CPA6: variants seen among roughly 807,000 people sequenced by gnomAD.
The protein encoded by CPA6 is carboxypeptidase B.
A neutral mutation model predicts 63.3 loss-of-function variants in CPA6; 58 were observed. The ratio of observed to expected loss-of-function variants is 0.92; its 90% CI spans 0.74 to 1.14. The LOEUF is 1.14. Ranked by LOEUF, CPA6 falls within the 50% of genes most tolerant of loss-of-function variation. The pLI is 0.00. For synonymous variants in CPA6, 185 were observed against 179.0 expected, an observed-to-expected ratio of 1.03 and a Z score of -0.27; for missense variants, 565 against 526.6, an observed-to-expected ratio of 1.07 and a Z score of -0.71.
rs542195405 is a variant in CPA6, at chr8:67,484,994, A to G, written c.637-205T>C. Among the ~76,000 whole-genome samples, 6 of 152,352 alleles carry G rather than the reference A, an allele frequency of 3.9e-5. No individual in the cohort carries two copies. In the South Asian group the frequency reaches 1.0e-3, roughly 26 times the overall value. ...TCTTTATTATCAATAATCTTTTAGC[A>G]GAGCTGTTAAAAGAGATCAGTTGGG... On this transcript the variant is annotated intron_variant, in intron 6 of 10. Transcript: ENST00000297770.
chr8:67,720,191 T>A (rs974008505), intron 1 of CPA6, among the ~76,000 whole-genome samples: 27 of 144,736 alleles, frequency 1.9e-4, no homozygotes, highest in Admixed American at 7.4e-4. Flanking sequence ...GTGGGGGTGC[T>A]TTTTGAGCCA....
rs538327369 is a variant in CPA6 at position 67,461,643 on chromosome 8, C to T, written c.838+22125G>A. Among the ~76,000 whole-genome samples the T allele has an allele frequency of 1.4e-3, 212 of 152,338 alleles. 1 individual carries two copies. Among genetic ancestry groups the T allele is most frequent in the African/African-American group, 4.9e-3 (204 of 41,594 alleles). On this transcript the variant is annotated intron_variant, in intron 8 of 10. Transcript: ENST00000297770. Reference sequence around the variant, plus strand: ...TCACTTCCCAGTAGGGGCGGCCGGGCAGAGGTGCCCCTCACCTCCCGGACG... The same window carrying T: ...TCACTTCCCAGTAGGGGCGGCCGGGTAGAGGTGCCCCTCACCTCCCGGACG...
chr8:67,725,565 G>T (rs1817581574), intron 1 of CPA6, among the ~76,000 whole-genome samples: 1 of 152,140 alleles, frequency 6.6e-6, no homozygotes, highest in African/African-American at 2.4e-5. Context: ...CTGTCACCCA[G>T]GCTGGAGTGC....
Position 67,427,160 on chromosome 8 carries a change from GC to G in CPA6, c.1126+886del, listed in dbSNP as rs531070630. Among the ~76,000 whole-genome samples the G allele has an allele frequency of 1.3e-3, 201 of 152,280 alleles. 1 individual carries two copies. The highest frequency in any genetic ancestry group is 0.011 in the Admixed American group (173 of 15,288). ...TCACTATAAGAAGGGTGAGAAAATA[GC>G]CCTTTATCACCACAGACTTGAATTC... is the stretch of plus-strand genomic sequence containing the variant. On this transcript the variant is annotated intron_variant, in intron 10 of 10. Transcript: ENST00000297770.
intron 1 of CPA6, among the ~76,000 whole-genome samples, chr8:67,700,096 T>C (rs1816993478): frequency 6.6e-6 from 1 of 152,224 alleles, no homozygotes; most frequent in Non-Finnish European, 1.5e-5. Context: ...AACTGAGTTT[T>C]TTTAAACATA....
intron 2 of CPA6, among the ~76,000 whole-genome samples, chr8:67,592,263 TTGA>T (rs1814150666): frequency 6.6e-6 from 1 of 152,236 alleles, no homozygotes; most frequent in Admixed American, 6.5e-5. Flanking sequence ...GATAAGCTTT[TTGA>T]TGTGTTGCTG....
chr8:67,730,265 A>G (rs1182354847), intron 1 of CPA6, among the ~76,000 whole-genome samples: 1 of 152,206 alleles, frequency 6.6e-6, no homozygotes, highest in Non-Finnish European at 1.5e-5. Context: ...AGGATGGCTC[A>G]CAGAACTTAG....
intron 1 of CPA6, among the ~76,000 whole-genome samples, chr8:67,699,424 C>A (rs1236546870): frequency 6.6e-6 from 1 of 151,852 alleles, no homozygotes; most frequent in African/African-American, 2.4e-5. Flanking sequence ...CAGAGCCAGA[C>A]TCTGTCTCAA....
rs554367317 is a variant in CPA6, at chr8:67,664,969, A to G, written c.117-40718T>C. 2.0e-5 allele frequency among the ~76,000 whole-genome samples: 3 copies of G among 152,332 alleles called. No homozygotes were observed. In the South Asian group the frequency reaches 6.2e-4, roughly 32 times the overall value. ...CAAAAGAGATCAAAATTACCTAGGT[A>G]CTACCTAGGAAAGGGCGAGGCAGAA... On this transcript the variant is annotated intron_variant, in intron 1 of 10. Transcript: ENST00000297770.
intron 2 of CPA6, among the ~76,000 whole-genome samples, chr8:67,553,218 T>G (rs1347985802): frequency 6.6e-6 from 1 of 152,200 alleles, no homozygotes; most frequent in Non-Finnish European, 1.5e-5. Flanking sequence ...AGATGCATCC[T>G]AATTTGAGAG....
intron 2 of CPA6, among the ~76,000 whole-genome samples, chr8:67,566,999 A>G (rs1045698636): frequency 5.3e-5 from 8 of 152,220 alleles, no homozygotes; most frequent in African/African-American, 1.9e-4. Flanking sequence ...GGCAAGTTGA[A>G]CACCCTGCAC....
At chr8:67,612,050 A>G (rs1394723689) in intron 2 of CPA6, among the ~76,000 whole-genome samples, 1 of 152,074 alleles carries the variant, frequency 6.6e-6, no homozygotes. Flanking sequence ...TTTCTGTTCA[A>G]ATTATTGGTG....
At chr8:67,579,272 G>C (rs1004198913) in intron 2 of CPA6, among the ~76,000 whole-genome samples, 2 of 152,148 alleles carry the variant, frequency 1.3e-5, no homozygotes, top group African/African-American at 4.8e-5. Flanking sequence ...AATTAGCCAG[G>C]TGTGGTGGTG....
At chr8:67,428,024 C>T (rs1484116723) in intron 10 of CPA6, 23 bp downstream of exon 10, 10 of 1,508,642 alleles carry the variant, frequency 6.6e-6, no homozygotes, top group Non-Finnish European at 9.2e-6. Context: ...AGGATTCTAA[C>T]ACAATGTACG....
At chr8:67,425,378 T>C (rs1418804706) in intron 10 of CPA6, among the ~76,000 whole-genome samples, 1 of 152,134 alleles carries the variant, frequency 6.6e-6, no homozygotes, top group East Asian at 1.9e-4. Context: ...ATTATTATTA[T>C]TGTTATTTTT....
At chr8:67,625,713 T>C (rs774172079) in intron 1 of CPA6, among the ~76,000 whole-genome samples, 2 of 152,198 alleles carry the variant, frequency 1.3e-5, no homozygotes, top group African/African-American at 4.8e-5. Flanking sequence ...CATTTTACAA[T>C]GATTAAAGAT....
At chr8:67,430,157 GTGTGTGTGTGTGTGTA>G (rs1809990255) in intron 9 of CPA6, among the ~76,000 whole-genome samples, 1 of 144,876 alleles carries the variant, frequency 6.9e-6, no homozygotes, top group Admixed American at 6.8e-5. Flanking sequence ...GTGTGTGTGT[GTGTGTGTGTGTGTGTA>G]TATATTTTGT....
At chr8:67,547,734 A>T (rs754107935) in intron 2 of CPA6, among the ~76,000 whole-genome samples, 5 of 151,814 alleles carry the variant, frequency 3.3e-5, no homozygotes, top group Non-Finnish European at 7.4e-5. Context: ...GGCTCATGCA[A>T]TCCTCCCCCT....
At chr8:67,605,876 A>C (rs1459107725) in intron 2 of CPA6, among the ~76,000 whole-genome samples, 1 of 152,072 alleles carries the variant, frequency 6.6e-6, no homozygotes, top group African/African-American at 2.4e-5. Context: ...GCTTTGTCAT[A>C]GTCATGCACA....
Sources: gnomAD v4.1 joint callset for allele counts (sites outside exome capture counted in the v4.1 genomes callset) on GRCh38, gnomAD v4.1.1 for gene constraint, MANE v1.5 for transcripts, NCBI Gene and HGNC (gene_info 2026-07-23, HGNC 2026-07-21) for gene names.